PRX: variants seen among roughly 807,000 people sequenced by gnomAD.
PRX encodes periaxin.
PRX carries 24 observed loss-of-function variants against 29.6 expected under a neutral mutation model. The ratio of observed to expected loss-of-function variants is 0.81; its 90% confidence interval spans 0.59 to 1.14. The LOEUF is 1.14. PRX is among the 50% of genes most tolerant of loss of function. The pLI is 0.00. For synonymous variants in PRX, 772 were observed against 831.7 expected (o/e 0.93, Z 1.24); for missense variants, 1,838 against 1,926.4 (o/e 0.95, Z 0.86).
At position 40,397,735 on chromosome 19, in the gene PRX, C is replaced by A; in HGVS notation, c.617G>T (p.Arg206Leu). Residue 206 changes from arginine to leucine, a missense_variant, in exon 7 of 7, where the codon CGG becomes CTG. Arg to Leu is a moderately radical substitution (Grantham distance 102). Transcript: ENST00000324001. ...REVAEEAQAA[R>L]LAAAAPPPRK... ...GGGGGGAGGAGCGGCGGCGGCCAGC[C>A]GGGCTGCCTGAGCCTCTTCGGCCAC... 1 of 1,561,810 alleles carries A rather than the reference C, an allele frequency of 6.4e-7. No homozygotes were observed.
intron 1 of PRX, 92 bp from the exon 2 acceptor site, chr19:40,408,475 C>G: frequency 5.8e-6 from 1 of 171,504 alleles, no homozygotes; most frequent in South Asian, 1.4e-4. Context: ...GATACCCTAT[C>G]CCCGTCGTGC....
chr19:40,405,414 G>C (rs1461666172), intron 4 of PRX, among the ~76,000 whole-genome samples: 2 of 152,104 alleles, frequency 1.3e-5, no homozygotes, highest in African/African-American at 4.8e-5. Context: ...CCAACGCACT[G>C]GGGCCAGCAC....
In PRX at chr19:40,394,150, G is replaced by T; in HGVS notation, c.4202C>A (p.Ser1401Tyr). Residue 1401 changes from serine to tyrosine, a missense_variant, in exon 7 of 7, where the codon TCC becomes TAC. Transcript: ENST00000324001. The surrounding 1 kb of genome is among the most constrained non-coding windows in gnomAD (Gnocchi z 5.8). ...RGQEGDAAPKSPVREKSPKFR... is the reference protein window; with the variant it reads ...RGQEGDAAPKYPVREKSPKFR... ...CTTGGGTGACTTCTCTCTGACGGGG[G>T]ACTTGGGGGCTGCATCGCCCTCCTG... 1 of 1,594,368 alleles carries T rather than the reference G, an allele frequency of 6.3e-7. No homozygotes were observed. The highest frequency in any genetic ancestry group is 8.6e-7 in the Non-Finnish European group (1 of 1,167,466).
chr19:40,404,273 G>C (rs948078066), intron 4 of PRX, among the ~76,000 whole-genome samples: 1 of 152,142 alleles, frequency 6.6e-6, no homozygotes, highest in South Asian at 2.1e-4. Flanking sequence ...TGGCCTCTCC[G>C]AGGCCCTGGA....
intron 5 of PRX, among the ~76,000 whole-genome samples, chr19:40,399,301 T>A (rs2079471828): frequency 6.6e-6 from 1 of 152,198 alleles, no homozygotes; most frequent in South Asian, 2.1e-4. Flanking sequence ...GTTGTCCTTC[T>A]CGTCTACATT....
At position 40,395,381 on chromosome 19, in the gene PRX, G is replaced by T; in HGVS notation, c.2971C>A (p.Leu991Met). 6.2e-7 allele frequency: 1 copy of T among 1,613,818 alleles called. No individual in the cohort carries two copies. ...GEAGLLPALD[L>M]SIPQLSLDAH... ...TCCAGGCTGAGCTGTGGGATGGACA[G>T]ATCGAGGGCAGGCAGCAGGCCTGCC... Residue 991 changes from leucine to methionine, a missense_variant, in exon 7 of 7, where the codon CTG (leucine) becomes ATG (methionine). By Grantham distance (15) the Leu-to-Met change is conservative. Coordinates refer to ENST00000324001, the MANE Select transcript of PRX (RefSeq NM_181882.3).
Position 40,403,747 on chromosome 19 carries a change from C to T in PRX, c.143G>A (p.Arg48His), listed in dbSNP as rs1184577939. 1 of 1,576,782 alleles carries T rather than the reference C, an allele frequency of 6.3e-7. No homozygotes were observed. The highest frequency in any genetic ancestry group is 8.6e-7 in the Non-Finnish European group (1 of 1,162,650). The stretch of plus-strand genomic sequence containing the variant: ...GCTCCTGGCGGCGGGTGAGTCCTCG[C>T]GCAGCTCCCGAACGAAGATTCCCTC... Reference protein sequence around the residue: ...GKEGIFVRELREDSPAARSLS... With the variant: ...GKEGIFVRELHEDSPAARSLS... The change falls in exon 5 of 7, where the codon CGC becomes CAC. Residue 48 changes from arginine (R) to histidine (H), a missense_variant. Coordinates refer to ENST00000324001, the MANE Select transcript of PRX (RefSeq NM_181882.3).
At position 40,397,778 on chromosome 19, in the gene PRX, G is replaced by A. The variant is rs780147663; in HGVS notation, c.574C>T (p.Arg192Trp). The change falls in exon 7 of 7, where the codon CGG becomes TGG. Residue 192 changes from arginine (R) to tryptophan (W), a missense_variant. Physicochemically the swap from Arg to Trp is moderately radical, Grantham distance 101. Coordinates refer to ENST00000324001, the MANE Select transcript of PRX (RefSeq NM_181882.3). ...TCGGCCACTTCTCGTACACGCAGCC[G>A]AGGCAGCTGGAGGCGCCGGCGGGCA... ...APARRRLQLP[R>W]LRVREVAEEA... 4.1e-5 allele frequency: 65 copies of A among 1,570,178 alleles called. No homozygotes were observed. Among genetic ancestry groups the A allele is most frequent in the East Asian group, 6.9e-5 (3 of 43,378 alleles).
Position 40,398,899 on chromosome 19 carries a change from T to C in PRX, c.185-83A>G. ...AGTTCTGCCCACTTGCACGGAGCCC[T>C]CGCGGTGAGGACCCGCCCCAAATTT... On this transcript the variant is annotated intron_variant, in intron 5 of 6. Transcript: ENST00000324001. This position sits in a 1 kb window ranked among gnomAD's most constrained non-coding sequence, Gnocchi z 6.3. 2 of 1,595,102 alleles carry C rather than the reference T, an allele frequency of 1.3e-6. No homozygotes were observed. The highest frequency in any genetic ancestry group is 1.7e-6 in the Non-Finnish European group (2 of 1,170,270).
At position 40,394,651 on chromosome 19, in the gene PRX, C is replaced by T; in HGVS notation, c.3701G>A (p.Gly1234Asp). 1 of 1,607,788 alleles carries T rather than the reference C, an allele frequency of 6.2e-7. No individual in the cohort carries two copies. The highest frequency in any genetic ancestry group is 8.5e-7 in the Non-Finnish European group (1 of 1,179,838). The change falls in exon 7 of 7, where the codon GGC (glycine) becomes GAC (aspartate). Residue 1234 changes from glycine (G) to aspartate (D), a missense_variant. Transcript: ENST00000324001. The surrounding 1 kb of genome is among the most constrained non-coding windows in gnomAD (Gnocchi z 5.8). ...DVGLSREAQA[G>D]EAATGEGGLR... is the part of the protein sequence containing the mutation. ...CCCACCCTCGCCTGTGGCCGCCTCGCCCGCCTGTGCCTCTCGGCTTAGCCC... is the reference window on the plus strand; with the variant it reads ...CCCACCCTCGCCTGTGGCCGCCTCGTCCGCCTGTGCCTCTCGGCTTAGCCC...
At chr19:40,403,953 A>G (rs1173088200) in intron 4 of PRX, 91 bp from the exon 5 acceptor site, 4 of 1,344,126 alleles carry the variant, frequency 3.0e-6, no homozygotes, top group Non-Finnish European at 3.1e-6. Flanking sequence ...TCATATACAT[A>G]TATATGTTTA....
intron 3 of PRX, 35 bp from the exon 4 acceptor site, chr19:40,408,066 T>C: frequency 8.3e-7 from 1 of 1,209,534 alleles, no homozygotes; most frequent in South Asian, 1.3e-5. Flanking sequence ...TTGAGGCCAG[T>C]AGGGGACGAG....
In PRX at chr19:40,413,361, G is replaced by C. The variant is rs905187299; in HGVS notation, c.-266C>G. The C allele has an allele frequency of 1.3e-5, 2 of 152,268 alleles. No individual in the cohort carries two copies. The highest frequency in any genetic ancestry group is 2.4e-5 in the African/African-American group (1 of 41,400). 9.4% of individuals were successfully genotyped at this position (152,268 alleles called of 1,614,324 possible). On this transcript the variant is annotated 5_prime_UTR_variant, in exon 1 of 7. Transcript: ENST00000324001. The stretch of plus-strand genomic sequence containing the variant: ...ACCGCTGAGCCTCCAGACACCTCGA[G>C]AGCTCCTGGTCCCGTCTGTCAGCCC...
rs774413102 is a variant in PRX at position 40,394,706 on chromosome 19, C to T, written c.3646G>A (p.Val1216Met). The part of the protein sequence containing the change: ...VGEGVFKMPT[V>M]TVPQLELDVG... Reference sequence around the variant, plus strand: ...TCCAGCTCAAGCTGGGGCACTGTCACGGTGGGCATCTTAAAGACACCCTCA... The same window carrying T: ...TCCAGCTCAAGCTGGGGCACTGTCATGGTGGGCATCTTAAAGACACCCTCA... The change falls in exon 7 of 7, where the codon GTG (valine) becomes ATG (methionine). Residue 1216 changes from valine to methionine, a missense_variant. Transcript: ENST00000324001. The surrounding 1 kb of genome is among the most constrained non-coding windows in gnomAD (Gnocchi z 5.8). 2.7e-5 allele frequency: 43 copies of T among 1,611,636 alleles called. No homozygotes were observed. Among genetic ancestry groups the T allele is most frequent in the Admixed American group, 6.7e-5 (4 of 59,988 alleles).
intron 5 of PRX, among the ~76,000 whole-genome samples, chr19:40,399,975 CTTTCT>C (rs199869483): frequency 0.049 from 7,034 of 142,702 alleles, 288 homozygotes; most frequent in African/African-American, 0.099. Context: ...GTCTGTCTGT[CTTTCT>C]TTTCTTTTCT....
chr19:40,404,405 C>G, intron 4 of PRX, among the ~76,000 whole-genome samples: 1 of 27,804 alleles, frequency 3.6e-5, no homozygotes, highest in South Asian at 1.1e-3. Context: ...GGGGCGTGGT[C>G]AGGTCGGGAG....
At chr19:40,407,568 TG>T in intron 4 of PRX, 2 of 456,930 alleles carry the variant, frequency 4.4e-6, no homozygotes, top group Non-Finnish European at 8.0e-6. Context: ...CCCAAAGTGC[TG>T]GAATTCCAGG....
At chr19:40,399,094 T>C (rs890238644) in intron 5 of PRX, among the ~76,000 whole-genome samples, 2 of 152,092 alleles carry the variant, frequency 1.3e-5, no homozygotes, top group African/African-American at 4.8e-5. Context: ...TTGCTTCTTT[T>C]ACCGAGAGAA....
intron 5 of PRX, among the ~76,000 whole-genome samples, chr19:40,400,276 C>T (rs1166049875): frequency 6.7e-6 from 1 of 149,028 alleles, no homozygotes; most frequent in Non-Finnish European, 1.5e-5. Flanking sequence ...GCCACCGTGC[C>T]CAGCCCCTCC....
Sources: gnomAD v4.1 joint callset for allele counts (sites outside exome capture counted in the v4.1 genomes callset) on GRCh38, gnomAD v4.1.1 for gene constraint, Gnocchi (gnomAD v3.1) non-coding constraint, MANE v1.5 for transcripts, NCBI Gene and HGNC (gene_info 2026-07-23, HGNC 2026-07-21) for gene names.